SH3BP2: variants seen among roughly 807,000 people sequenced by gnomAD.
SH3BP2 encodes SH3 domain binding protein 2.
SH3BP2 carries 38 observed loss-of-function variants against 56.2 expected under a neutral mutation model. That is an observed-to-expected ratio of 0.68 (90% CI 0.52 to 0.89). The LOEUF is 0.89. Among genes scored for constraint, SH3BP2 ranks in the 40% least tolerant of loss-of-function variants. The probability of loss-of-function intolerance (pLI) is 0.00; values close to 1 mark genes in which losing one functional copy is unlikely to be tolerated. For missense variants in SH3BP2, 748 were observed against 762.6 expected, an observed-to-expected ratio of 0.98 and a Z score of 0.23; for synonymous variants, 346 against 316.7, an observed-to-expected ratio of 1.09 and a Z score of -0.98.
rs1725204758 is a variant in SH3BP2, at chr4:2,835,665, C to T, written c.*1831C>T. 6.6e-6 allele frequency: 1 copy of T among 152,180 alleles called. No homozygotes were observed. Among genetic ancestry groups the T allele is most frequent in the South Asian group, 2.1e-4 (1 of 4,826 alleles). The allele number at this position is 152,180 out of a possible 1,614,324, so 9.4% of individuals were successfully genotyped here. A position where few individuals can be genotyped will look rare whatever the true frequency, so the allele number is the denominator to read the frequency against. Reference sequence around the variant, plus strand: ...TTTGAGATGTAGTCTCACCCTGTCGCCCAGGCTGGAGTGCAATGCCGTGAT... The same window carrying T: ...TTTGAGATGTAGTCTCACCCTGTCGTCCAGGCTGGAGTGCAATGCCGTGAT... On this transcript the variant is annotated 3_prime_UTR_variant, in exon 13 of 13. Coordinates refer to ENST00000503393, the MANE Select transcript of SH3BP2 (RefSeq NM_001122681.2).
chr4:2,830,413 G>A (rs1323704605), intron 8 of SH3BP2, among the ~76,000 whole-genome samples: 1 of 152,224 alleles, frequency 6.6e-6, no homozygotes, highest in Non-Finnish European at 1.5e-5. Context: ...CCAAGCTGGA[G>A]TGCAGTGGTG....
chr4:2,799,618 A>G (rs1723177397), intron 1 of SH3BP2, among the ~76,000 whole-genome samples: 1 of 152,198 alleles, frequency 6.6e-6, no homozygotes, highest in Non-Finnish European at 1.5e-5. Context: ...GCCGGCTGGC[A>G]TCAAGGGGAC....
intron 1 of SH3BP2, among the ~76,000 whole-genome samples, chr4:2,794,818 C>T (rs1441595052): frequency 1.3e-5 from 2 of 152,156 alleles, no homozygotes; most frequent in African/African-American, 4.8e-5. Context: ...GGTGCTGAGT[C>T]AGCTGGAGCT....
At chr4:2,799,884 G>A (rs937944963) in intron 1 of SH3BP2, among the ~76,000 whole-genome samples, 1 of 152,182 alleles carries the variant, frequency 6.6e-6, no homozygotes, top group African/African-American at 2.4e-5. Flanking sequence ...TTTGAAAAGG[G>A]AGAGGGGCTA....
At chr4:2,793,713 G>C (rs1722972387) in intron 1 of SH3BP2, 1 of 152,214 alleles carries the variant, frequency 6.6e-6, no homozygotes, top group Non-Finnish European at 1.5e-5. Flanking sequence ...CGCGCTTCAC[G>C]GAGGGCAAGA....
At chr4:2,800,812 G>T (rs1326546559) in intron 1 of SH3BP2, among the ~76,000 whole-genome samples, 6 of 152,192 alleles carry the variant, frequency 3.9e-5, no homozygotes, top group Non-Finnish European at 7.4e-5. Flanking sequence ...ACCTGGCCGG[G>T]GGCAGAAGGC....
intron 7 of SH3BP2, among the ~76,000 whole-genome samples, chr4:2,828,212 C>T (rs1018048779): frequency 4.6e-5 from 7 of 150,900 alleles, no homozygotes; most frequent in Non-Finnish European, 7.4e-5. Flanking sequence ...CCCTTCCTCC[C>T]TCCCTATTGT....
At chr4:2,809,658 G>C (rs1723666545) in intron 1 of SH3BP2, 2 of 304,230 alleles carry the variant, frequency 6.6e-6, no homozygotes, top group Admixed American at 1.3e-4. Flanking sequence ...GGAGGTGCCA[G>C]GGCAGGGTCA....
At chr4:2,818,764 C>T in intron 1 of SH3BP2, 1 of 988,296 alleles carries the variant, frequency 1.0e-6, no homozygotes, top group Non-Finnish European at 1.2e-6. Flanking sequence ...CCCCTGACCC[C>T]TCCCTGCCCA....
chr4:2,833,272 G>A lies in SH3BP2; in HGVS notation c.1548+223G>A, dbSNP rs1278462184. 8.0e-6 allele frequency: 5 copies of A among 626,786 alleles called. No homozygotes were observed. The East Asian group carries it at 1.1e-4, about 14-fold the overall frequency. The allele number at this position is 626,786 out of a possible 1,614,324, so 38.8% of individuals were successfully genotyped here. A position where few individuals can be genotyped will look rare whatever the true frequency, so the allele number is the denominator to read the frequency against. ...CCTCCACTGACCCTAGTGGGGATGG[G>A]CGGTCAGCCATAGACCCTGGGTTGC... On this transcript the variant is annotated intron_variant, in intron 12 of 12. Coordinates refer to ENST00000503393, the MANE Select transcript of SH3BP2 (RefSeq NM_001122681.2).
intron 1 of SH3BP2, among the ~76,000 whole-genome samples, chr4:2,795,643 A>G (rs993444946): frequency 6.6e-6 from 1 of 152,142 alleles, no homozygotes; most frequent in East Asian, 1.9e-4. Flanking sequence ...CCTCGGGCCA[A>G]TGAATACAGG....
intron 8 of SH3BP2, among the ~76,000 whole-genome samples, chr4:2,830,624 AAGTGT>A (rs1369874170): frequency 6.6e-6 from 1 of 152,168 alleles, no homozygotes; most frequent in Non-Finnish European, 1.5e-5. Context: ...CGGCCTCTCA[AAGTGT>A]AGAGATTACG....
In SH3BP2 at chr4:2,838,631, T is replaced by G. The variant is rs1488665225; in HGVS notation, c.*4797T>G. 7.7e-6 allele frequency: 1 copy of G among 130,612 alleles called. No individual in the cohort carries two copies. Among genetic ancestry groups the G allele is most frequent in the African/African-American group, 2.6e-5 (1 of 37,828 alleles). The allele number at this position is 130,612 out of a possible 1,614,324, so 8.1% of individuals were successfully genotyped here. On this transcript the variant is annotated 3_prime_UTR_variant, in exon 13 of 13. Transcript: ENST00000503393. ...ACTTTCTTAAAACATTATAAAGATTTTTGTTTGCGATTTTTTTTTTTAGCT... is the reference window on the plus strand; with the variant it reads ...ACTTTCTTAAAACATTATAAAGATTGTTGTTTGCGATTTTTTTTTTTAGCT...
intron 3 of SH3BP2, chr4:2,823,647 G>A (rs985258395): frequency 2.6e-6 from 1 of 387,652 alleles, no homozygotes; most frequent in Non-Finnish European, 5.2e-6. Context: ...CCACACAAAG[G>A]GTTAATGCTG....
chr4:2,802,964 G>A (rs892333997), intron 1 of SH3BP2, among the ~76,000 whole-genome samples: 5 of 152,202 alleles, frequency 3.3e-5, no homozygotes, highest in East Asian at 1.9e-4. Context: ...GGGCCCCAGC[G>A]TCCTTTGCCC....
At chr4:2,811,253 C>T (rs574838573) in intron 1 of SH3BP2, among the ~76,000 whole-genome samples, 15 of 152,310 alleles carry the variant, frequency 9.8e-5, no homozygotes, top group Non-Finnish European at 1.6e-4. Context: ...CAGCCGGTTA[C>T]GGGGCTGGGG....
At chr4:2,822,895 C>T in intron 2 of SH3BP2, 40 bp from the exon 3 acceptor site, 1 of 1,526,232 alleles carries the variant, frequency 6.6e-7, no homozygotes, top group Non-Finnish European at 9.1e-7. Flanking sequence ...TGGCAGCTGC[C>T]CCTCCAGGCT....
chr4:2,802,315 A>G (rs1723313142), intron 1 of SH3BP2, among the ~76,000 whole-genome samples: 1 of 151,878 alleles, frequency 6.6e-6, no homozygotes, highest in Non-Finnish European at 1.5e-5. Context: ...AAGTGCTTGA[A>G]CCAAGGAGAC....
chr4:2,811,616 G>A (rs769211761), intron 1 of SH3BP2, among the ~76,000 whole-genome samples: 1 of 152,246 alleles, frequency 6.6e-6, no homozygotes, highest in Non-Finnish European at 1.5e-5. Flanking sequence ...GCAGGGGCCG[G>A]TGAGTACGGG....
Sources: allele counts gnomAD v4.1 joint callset (sites outside exome capture counted in the v4.1 genomes callset), GRCh38; gene constraint gnomAD v4.1.1; transcripts MANE v1.5; gene names NCBI Gene and HGNC (gene_info 2026-07-23, HGNC 2026-07-21).